FRY: variants seen among roughly 807,000 people sequenced by gnomAD.
FRY encodes the protein protein furry homolog.
Under a neutral mutation model 348.4 loss-of-function variants are expected in FRY, and 128 were observed. The ratio of observed to expected loss-of-function variants is 0.37; its 90% CI spans 0.32 to 0.43. FRY has a LOEUF of 0.43. Ranked by LOEUF, FRY falls within the 20% of genes least tolerant of loss-of-function variation. The probability of loss-of-function intolerance (pLI) is 1.00; values close to 1 mark genes in which losing one functional copy is unlikely to be tolerated. For missense variants in FRY, 2,736 were observed against 3,695.2 expected, an observed-to-expected ratio of 0.74 and a Z score of 6.73; for synonymous variants, 1,370 against 1,374.7, an observed-to-expected ratio of 1.00 and a Z score of 0.08.
intron 15 of FRY, among the ~76,000 whole-genome samples, chr13:32,156,736 T>C (rs2138164208): frequency 6.6e-6 from 1 of 152,284 alleles, no homozygotes. Context: ...CGTCTTCCAG[T>C]GTGGGACATC....
In FRY at chr13:32,258,297, G is replaced by A. The variant is rs139866694; in HGVS notation, c.7417-3319G>A. Among the ~76,000 whole-genome samples, 262 of 152,268 alleles carry A rather than the reference G, an allele frequency of 1.7e-3. No individual in the cohort carries two copies. The Middle Eastern group carries it at 0.02, about 12-fold the overall frequency. On this transcript the variant is annotated intron_variant, in intron 51 of 60. Coordinates refer to ENST00000542859, the MANE Select transcript of FRY (RefSeq NM_023037.3). ...ATCAAGTGGTTGCACAACTGGATGGGTTTTATTGTTAAATTCTTGTATTAA... is the reference window on the plus strand; with the variant it reads ...ATCAAGTGGTTGCACAACTGGATGGATTTTATTGTTAAATTCTTGTATTAA...
chr13:32,289,242 T>C (rs1362311352), intron 58 of FRY, among the ~76,000 whole-genome samples: 1 of 152,224 alleles, frequency 6.6e-6, no homozygotes, highest in Non-Finnish European at 1.5e-5. Context: ...AACTACTTAA[T>C]GTTTTGCCTT....
chr13:32,259,693 G>C (rs1011080800), intron 51 of FRY, among the ~76,000 whole-genome samples: 1 of 152,090 alleles, frequency 6.6e-6, no homozygotes, highest in African/African-American at 2.4e-5. Flanking sequence ...TTTTTACTCT[G>C]CATAGTTAGT....
At chr13:32,059,558 T>C (rs1464816977) in intron 1 of FRY, among the ~76,000 whole-genome samples, 1 of 151,396 alleles carries the variant, frequency 6.6e-6, no homozygotes, top group African/African-American at 2.4e-5. Flanking sequence ...TTTTTTGTTA[T>C]AGATTTAGGG....
intron 3 of FRY, among the ~76,000 whole-genome samples, chr13:32,105,421 A>T (rs1244840467): frequency 6.6e-6 from 1 of 152,192 alleles, no homozygotes; most frequent in African/African-American, 2.4e-5. Context: ...GTTCTTTATC[A>T]ATTACCAATC....
intron 36 of FRY, 101 bp from the exon 37 acceptor site, chr13:32,224,134 T>C (rs1466880058): frequency 1.8e-6 from 2 of 1,117,036 alleles, no homozygotes. Flanking sequence ...AAGTTATTTT[T>C]ACAAGCATAC....
chr13:32,100,807 C>T lies in FRY; in HGVS notation c.271-1156C>T, dbSNP rs1314698429. ...GATATTTGGTTGCTGGTGAGTTCCC[C>T]CTTTCTTTATAGATGGTGCCTTCCC... On this transcript the variant is annotated intron_variant, in intron 2 of 60. Coordinates refer to ENST00000542859, the MANE Select transcript of FRY (RefSeq NM_023037.3). Among the ~76,000 whole-genome samples the T allele has an allele frequency of 5.3e-5, 8 of 152,136 alleles. No individual in the cohort carries two copies. In the East Asian group the frequency reaches 1.5e-3, roughly 29 times the overall value.
rs1196925211 is a variant in FRY at position 32,040,437 on chromosome 13, G to A, written c.70+8572G>A. ...TACTTCCACTGAAAAATGAGGTTTC[G>A]GTAAACATCATGATATTCATCAGTT... On this transcript the variant is annotated intron_variant, in intron 1 of 60. Coordinates refer to ENST00000542859, the MANE Select transcript of FRY (RefSeq NM_023037.3). Among the ~76,000 whole-genome samples the A allele has an allele frequency of 4.6e-5, 7 of 152,074 alleles. No homozygotes were observed. In the East Asian group the frequency reaches 9.6e-4, roughly 21 times the overall value.
chr13:32,214,113 C>T (rs1884839747), intron 35 of FRY, among the ~76,000 whole-genome samples: 1 of 152,232 alleles, frequency 6.6e-6, no homozygotes, highest in African/African-American at 2.4e-5. Context: ...ACCACTATTC[C>T]GTTGATCCCA....
intron 1 of FRY, among the ~76,000 whole-genome samples, chr13:32,056,662 A>G (rs1873641683): frequency 6.6e-6 from 1 of 152,230 alleles, no homozygotes; most frequent in South Asian, 2.1e-4. Flanking sequence ...AAGTTTTGTT[A>G]ATACAAGTGA....
intron 31 of FRY, among the ~76,000 whole-genome samples, chr13:32,205,703 G>A (rs77934408): frequency 2.5e-4 from 38 of 152,134 alleles, no homozygotes; most frequent in South Asian, 6.2e-4. Flanking sequence ...AAGCTGCTGG[G>A]GTTTTGAAAG....
chr13:32,033,432 G>T (rs575577973), intron 1 of FRY, among the ~76,000 whole-genome samples: 1 of 152,108 alleles, frequency 6.6e-6, no homozygotes. Context: ...TCATTAAATA[G>T]AAAATTATGT....
chr13:32,275,544 C>G (rs1593839195), intron 56 of FRY, among the ~76,000 whole-genome samples: 1 of 152,190 alleles, frequency 6.6e-6, no homozygotes, highest in African/African-American at 2.4e-5. Context: ...ACCTCTGCTC[C>G]GTCTGCATCG....
At chr13:32,115,861 C>T (rs942515497) in intron 3 of FRY, among the ~76,000 whole-genome samples, 4 of 152,070 alleles carry the variant, frequency 2.6e-5, no homozygotes, top group Admixed American at 2.6e-4. Flanking sequence ...ATGTTTCCTT[C>T]TGGTCCTGTT....
intron 2 of FRY, among the ~76,000 whole-genome samples, chr13:32,094,675 C>G (rs61946693): frequency 0.24 from 35,812 of 152,104 alleles, 4,795 homozygotes; most frequent in Non-Finnish European, 0.31. Context: ...CATGTTGTTG[C>G]AAATGACAGG....
intron 1 of FRY, among the ~76,000 whole-genome samples, chr13:32,059,733 T>C (rs750884385): frequency 2.6e-5 from 4 of 152,176 alleles, no homozygotes; most frequent in African/African-American, 4.8e-5. Flanking sequence ...CCCCTCTGCA[T>C]TGGATTCCTA....
Position 32,218,786 on chromosome 13 carries a change from T to C in FRY, c.4720T>C (p.Ser1574Pro). 6.2e-7 allele frequency: 1 copy of C among 1,607,288 alleles called. No individual in the cohort carries two copies. The highest frequency in any genetic ancestry group is 8.5e-7 in the Non-Finnish European group (1 of 1,174,530). Residue 1574 changes from serine (S) to proline (P), a missense_variant, in exon 36 of 61, where the codon TCA (serine) becomes CCA (proline). Transcript: ENST00000542859. ...CATCAGAGCCCACACTCGCCTCGAG[T>C]CAAGATACAGCAATAGCTCTGGAGG... Reference protein sequence around the residue: ...NVIRAHTRLESRYSNSSGGSY... With the variant: ...NVIRAHTRLEPRYSNSSGGSY...
intron 12 of FRY, 55 bp from the exon 13 acceptor site, chr13:32,147,784 A>G: frequency 1.0e-6 from 1 of 969,478 alleles, no homozygotes. Flanking sequence ...TTTCCCTTAA[A>G]GAACTGGAGC....
chr13:32,061,932 G>T (rs1451667679), intron 1 of FRY, among the ~76,000 whole-genome samples: 1 of 152,052 alleles, frequency 6.6e-6, no homozygotes, highest in Non-Finnish European at 1.5e-5. Flanking sequence ...TTTAGTGAAG[G>T]TAGGAGAAGT....
Sources: gnomAD v4.1 joint callset for allele counts (sites outside exome capture counted in the v4.1 genomes callset) on GRCh38, gnomAD v4.1.1 for gene constraint, MANE v1.5 for transcripts, NCBI Gene and HGNC (gene_info 2026-07-23, HGNC 2026-07-21) for gene names.